INPP5D: variants seen among roughly 807,000 people sequenced by gnomAD.
The protein encoded by INPP5D is phosphatidylinositol 3,4,5-trisphosphate 5-phosphatase 1.
A neutral mutation model predicts 122.9 loss-of-function variants in INPP5D; 33 were observed. The ratio of observed to expected loss-of-function variants is 0.27; its 90% confidence interval spans 0.20 to 0.36. The LOEUF (loss-of-function observed/expected upper bound fraction) is 0.36, where lower values mean the gene tolerates loss of function less well. INPP5D is among the 10% of genes least tolerant of loss of function. The pLI is 1.00. For missense variants in INPP5D, 1,053 were observed against 1,412.7 expected (o/e 0.75, Z 4.08); for synonymous variants, 584 against 576.2 (o/e 1.01, Z -0.19).
At chr2:233,069,034 G>A (rs774519993) in intron 1 of INPP5D, among the ~76,000 whole-genome samples, 3 of 152,256 alleles carry the variant, frequency 2.0e-5, no homozygotes, top group Non-Finnish European at 4.4e-5. Context: ...GGCTGAGGAC[G>A]ATGGAAGGAG....
intron 9 of INPP5D, among the ~76,000 whole-genome samples, chr2:233,151,707 T>A (rs550807235): frequency 6.6e-6 from 1 of 152,352 alleles, no homozygotes; most frequent in East Asian, 1.9e-4. Context: ...AAGGCTGGGA[T>A]GTGGATTTTT....
rs760496313 is a variant in INPP5D, at chr2:233,204,593, C to G, written c.3443C>G (p.Pro1148Arg). The change falls in exon 26 of 27, where the codon CCG becomes CGG. Residue 1148 changes from proline (P) to arginine (R), a missense_variant. This residue lies in a region of INPP5D where 417 missense variants were observed against 425.8 expected (regional missense o/e 0.98). Transcript: ENST00000445964. ...TPRPPLPVKS[P>R]AVLHLQHSKG... ...CGGCCGCCGCTGCCAGTCAAGAGCC[C>G]GGCGGTGCTGCACCTCCAGCACTCC... 1 of 1,568,152 alleles carries G rather than the reference C, an allele frequency of 6.4e-7. No homozygotes were observed. The highest frequency in any genetic ancestry group is 1.9e-5 in the Admixed American group (1 of 53,294).
intron 6 of INPP5D, among the ~76,000 whole-genome samples, chr2:233,143,760 T>C (rs2106276104): frequency 6.6e-6 from 1 of 152,292 alleles, no homozygotes; most frequent in African/African-American, 2.4e-5. Context: ...AGGGTGGTAG[T>C]GATGGTGATG....
intron 1 of INPP5D, among the ~76,000 whole-genome samples, chr2:233,072,167 A>AT (rs1393207501): frequency 1.3e-5 from 2 of 152,180 alleles, no homozygotes; most frequent in African/African-American, 4.8e-5. Context: ...ATAAAAGGTA[A>AT]TTGTTGCTGT....
chr2:233,172,138 C>T (rs1014527946), intron 17 of INPP5D, among the ~76,000 whole-genome samples: 2 of 152,246 alleles, frequency 1.3e-5, no homozygotes, highest in Non-Finnish European at 2.9e-5. Context: ...CCCCATTCCG[C>T]AGGGTCCACT....
intron 4 of INPP5D, among the ~76,000 whole-genome samples, chr2:233,126,764 AC>A (rs1693174241): frequency 6.6e-6 from 1 of 152,274 alleles, no homozygotes; most frequent in Admixed American, 6.5e-5. Flanking sequence ...CACTAAAAAT[AC>A]AAAAATTAGC....
chr2:233,146,741 C>T (rs539065175), intron 8 of INPP5D, among the ~76,000 whole-genome samples: 10 of 152,134 alleles, frequency 6.6e-5, no homozygotes, highest in Non-Finnish European at 1.0e-4. Context: ...TGACATCAGA[C>T]GGGGCTGCAA....
intron 9 of INPP5D, among the ~76,000 whole-genome samples, chr2:233,157,177 C>G (rs1341905273): frequency 6.6e-6 from 1 of 152,188 alleles, no homozygotes; most frequent in Non-Finnish European, 1.5e-5. Flanking sequence ...AGATGCTGCT[C>G]TACCAAAATG....
At chr2:233,090,622 AG>A (rs1216323225) in intron 2 of INPP5D, among the ~76,000 whole-genome samples, 1 of 152,204 alleles carries the variant, frequency 6.6e-6, no homozygotes, top group Non-Finnish European at 1.5e-5. Context: ...ACATAGTCCC[AG>A]CCTTTAAAGA....
intron 23 of INPP5D, among the ~76,000 whole-genome samples, 153 bp downstream of exon 23, chr2:233,194,114 C>A (rs1430798751): frequency 1.3e-5 from 2 of 152,084 alleles, no homozygotes; most frequent in African/African-American, 2.4e-5. Context: ...TCTGGCCCAA[C>A]CCTCACTCAA....
intron 22 of INPP5D, among the ~76,000 whole-genome samples, chr2:233,192,116 T>TG (rs1309998293): frequency 2.0e-5 from 3 of 151,726 alleles, no homozygotes; most frequent in African/African-American, 7.3e-5. Context: ...GCAGGAGGGG[T>TG]GGGAAGAGCT....
At chr2:233,070,217 A>G (rs1286364258) in intron 1 of INPP5D, among the ~76,000 whole-genome samples, 1 of 151,958 alleles carries the variant, frequency 6.6e-6, no homozygotes, top group Non-Finnish European at 1.5e-5. Context: ...TGTTGCAAAT[A>G]TTTTCATTGT....
chr2:233,132,442 G>A (rs1242198406), intron 5 of INPP5D, among the ~76,000 whole-genome samples: 1 of 152,180 alleles, frequency 6.6e-6, no homozygotes, highest in African/African-American at 2.4e-5. Context: ...AGTGCCGATG[G>A]AGAGAGCTTC....
At chr2:233,154,306 G>C (rs1442600258) in intron 9 of INPP5D, among the ~76,000 whole-genome samples, 1 of 152,162 alleles carries the variant, frequency 6.6e-6, no homozygotes, top group African/African-American at 2.4e-5. Context: ...GCACCACCAT[G>C]CCCGGCTAAT....
intron 1 of INPP5D, among the ~76,000 whole-genome samples, chr2:233,062,365 G>A (rs566924976): frequency 6.6e-6 from 1 of 152,372 alleles, no homozygotes; most frequent in Admixed American, 6.5e-5. Context: ...GCCTGAGCCA[G>A]AGTCAGAGCT....
chr2:233,083,959 C>T (rs1691760791), intron 2 of INPP5D, among the ~76,000 whole-genome samples: 2 of 152,168 alleles, frequency 1.3e-5, no homozygotes, highest in Admixed American at 1.3e-4. Context: ...CATCAATGTT[C>T]TCTGTGAACT....
At position 233,204,988 on chromosome 2, in the gene INPP5D, G is replaced by A. The variant is rs1329850776; in HGVS notation, c.3567+271G>A. 5 of 454,838 alleles carry A rather than the reference G, an allele frequency of 1.1e-5. No individual in the cohort carries two copies. In the East Asian group the frequency reaches 1.6e-4, roughly 14 times the overall value. The allele number at this position is 454,838 out of a possible 1,614,324, so 28.2% of individuals were successfully genotyped here. A position where few individuals can be genotyped will look rare whatever the true frequency, so the allele number is the denominator to read the frequency against. On this transcript the variant is annotated intron_variant, in intron 26 of 26. Coordinates refer to ENST00000445964, the MANE Select transcript of INPP5D (RefSeq NM_001017915.3). ...TGCAGCAGTTGTTAAAAGGAAGAAA[G>A]GCGGGGCTGTGGATAAACTTAGTCT... is the stretch of plus-strand genomic sequence containing the variant.
chr2:233,096,173 A>G (rs1033918374), intron 2 of INPP5D, among the ~76,000 whole-genome samples: 1 of 152,120 alleles, frequency 6.6e-6, no homozygotes, highest in Admixed American at 6.6e-5. Context: ...TGCGTATATG[A>G]TTGTAAAATA....
intron 1 of INPP5D, among the ~76,000 whole-genome samples, chr2:233,074,622 G>GTT (rs139197036): frequency 1.3e-5 from 2 of 148,198 alleles, no homozygotes; most frequent in Non-Finnish European, 3.0e-5. Flanking sequence ...TTTTTTTTGT[G>GTT]TTTTTTTTTT....
Sources: gnomAD v4.1 joint callset for allele counts (sites outside exome capture counted in the v4.1 genomes callset) on GRCh38, gnomAD v4.1.1 for gene constraint, gnomAD v4.1.1 regional missense constraint, MANE v1.5 for transcripts, NCBI Gene and HGNC (gene_info 2026-07-23, HGNC 2026-07-21) for gene names.